The following GLI3 variants were observed in gnomAD, a reference collection of about 807,000 sequenced individuals.
GLI3 encodes transcription activator GLI3.
Under a neutral mutation model 100.8 loss-of-function variants are expected in GLI3, and 20 were observed. That is an observed-to-expected ratio of 0.20 (90% CI 0.14 to 0.29). GLI3 has a LOEUF of 0.29. Ranked by LOEUF, GLI3 falls within the 10% of genes least tolerant of loss-of-function variation. The probability of loss-of-function intolerance (pLI) is 1.00; values close to 1 mark genes in which losing one functional copy is unlikely to be tolerated. For missense variants in GLI3, 2,040 were observed against 2,128.5 expected, an observed-to-expected ratio of 0.96 and a Z score of 0.82; for synonymous variants, 938 against 860.5, an observed-to-expected ratio of 1.09 and a Z score of -1.58.
At position 42,237,061 on chromosome 7, in the gene GLI3, G is replaced by GGCGGCT. The variant is rs1284268198; in HGVS notation, c.-139_-134dup. The GGCGGCT allele has an allele frequency of 6.7e-6, 1 of 148,310 alleles. No individual in the cohort carries two copies. The highest frequency in any genetic ancestry group is 1.5e-5 in the Non-Finnish European group (1 of 66,724). The allele number at this position is 148,310 out of a possible 1,614,324, so 9.2% of individuals were successfully genotyped here. The stretch of plus-strand genomic sequence containing the variant: ...CGGCTCCCCGCTCCGCGCGGCCGCG[G>GGCGGCT]GCGGCTACGGCTACCGCGAGCGGCC... On this transcript the variant is annotated 5_prime_UTR_variant, in exon 1 of 15. Coordinates refer to ENST00000395925, the MANE Select transcript of GLI3 (RefSeq NM_000168.6).
At chr7:42,211,857 A>G (rs1157903929) in intron 2 of GLI3, among the ~76,000 whole-genome samples, 9 of 152,244 alleles carry the variant, frequency 5.9e-5, no homozygotes, top group Non-Finnish European at 1.5e-5. Context: ...TGTGAAAGGA[A>G]TTAGCCATAA....
chr7:42,013,298 T>C (rs1788669285), intron 10 of GLI3, among the ~76,000 whole-genome samples: 1 of 152,124 alleles, frequency 6.6e-6, no homozygotes, highest in Non-Finnish European at 1.5e-5. Flanking sequence ...CCTGCCCTGA[T>C]TGGAAGAAAA....
chr7:42,175,983 C>T (rs9886332), intron 2 of GLI3, among the ~76,000 whole-genome samples: 36 of 152,068 alleles, frequency 2.4e-4, no homozygotes, highest in Non-Finnish European at 4.4e-4. Flanking sequence ...CCACAGCCCA[C>T]GCACATAACT....
chr7:42,018,903 C>A (rs149408527), intron 10 of GLI3, among the ~76,000 whole-genome samples: 1 of 152,156 alleles, frequency 6.6e-6, no homozygotes, highest in Admixed American at 6.5e-5. Flanking sequence ...ACTTTCTCTG[C>A]GGTTCTGCCC....
chr7:42,072,665 G>A (rs548045091), intron 4 of GLI3, among the ~76,000 whole-genome samples: 1 of 152,238 alleles, frequency 6.6e-6, no homozygotes, highest in South Asian at 2.1e-4. Context: ...TGTTCCCATA[G>A]AATACAGTAG....
At chr7:42,093,396 A>G (rs1785270141) in intron 3 of GLI3, among the ~76,000 whole-genome samples, 1 of 151,418 alleles carries the variant, frequency 6.6e-6, no homozygotes, top group Admixed American at 6.6e-5. Context: ...AAAAAAAAAA[A>G]AGGTTCCCTT....
chr7:42,074,053 A>G (rs574358721), intron 4 of GLI3, among the ~76,000 whole-genome samples: 8 of 152,342 alleles, frequency 5.3e-5, no homozygotes, highest in African/African-American at 1.4e-4. Context: ...GTGCAAGAGC[A>G]ACCCAGGGTC....
chr7:42,039,644 T>G (rs1784089248), intron 7 of GLI3, among the ~76,000 whole-genome samples: 3 of 152,236 alleles, frequency 2.0e-5, no homozygotes. Flanking sequence ...CTGCCATGAC[T>G]GGTCTTTTTA....
At chr7:42,216,387 T>C (rs1237676751) in intron 2 of GLI3, among the ~76,000 whole-genome samples, 1 of 152,196 alleles carries the variant, frequency 6.6e-6, no homozygotes, top group African/African-American at 2.4e-5. Flanking sequence ...TTTAGAGCAT[T>C]CAAAGTATTC....
intron 10 of GLI3, among the ~76,000 whole-genome samples, chr7:42,014,071 A>G (rs1788691356): frequency 6.6e-6 from 1 of 152,230 alleles, no homozygotes; most frequent in South Asian, 2.1e-4. Flanking sequence ...CTTCCACTGC[A>G]GAGTCTCACT....
chr7:41,981,448 G>A (rs1270305533), intron 10 of GLI3, among the ~76,000 whole-genome samples: 3 of 152,218 alleles, frequency 2.0e-5, no homozygotes, highest in African/African-American at 7.2e-5. Flanking sequence ...AGGGAAACCT[G>A]GTGCTACTCA....
rs1452471645 is a variant in GLI3 at position 42,170,287 on chromosome 7, T to TATATATATATATATATATATACACACAC, written c.125-21820_125-21819insGTGTGTGTATATATATATATATATATAT. Among the ~76,000 whole-genome samples, 19 of 123,994 alleles carry TATATATATATATATATATATACACACAC rather than the reference T, an allele frequency of 1.5e-4. No homozygotes were observed. In the South Asian group the frequency reaches 3.6e-3, roughly 24 times the overall value. The allele number at this position is 123,994 out of a possible 152,430, so 81.3% of individuals were successfully genotyped here. A position where few individuals can be genotyped will look rare whatever the true frequency, so the allele number is the denominator to read the frequency against. ...AAAATTATATATATATATATATATA[T>TATATATATATATATATATATACACACAC]ACACACACATATGTATATATTTAAA... is the stretch of plus-strand genomic sequence containing the variant. On this transcript the variant is annotated intron_variant, in intron 2 of 14. Transcript: ENST00000395925.
At position 42,026,465 on chromosome 7, in the gene GLI3, C is replaced by G. The variant is rs1789117106; in HGVS notation, c.1029-53G>C. ...TCATCACTTAAACGCTGAGCTCAGACAAGTACACAAGATCTGCAGCTTTCT... is the reference window on the plus strand; with the variant it reads ...TCATCACTTAAACGCTGAGCTCAGAGAAGTACACAAGATCTGCAGCTTTCT... On this transcript the variant is annotated intron_variant, in intron 7 of 14. Transcript: ENST00000395925. The G allele has an allele frequency of 3.1e-6, 4 of 1,283,974 alleles. 1 individual carries two copies. In the South Asian group the frequency reaches 4.9e-5, roughly 16 times the overall value. The allele number at this position is 1,283,974 out of a possible 1,614,324, so 79.5% of individuals were successfully genotyped here. A position where few individuals can be genotyped will look rare whatever the true frequency, so the allele number is the denominator to read the frequency against.
chr7:42,047,716 G>A (rs1186960879), intron 5 of GLI3, among the ~76,000 whole-genome samples: 2 of 152,306 alleles, frequency 1.3e-5, no homozygotes, highest in East Asian at 1.9e-4. Context: ...ACAGGAATTC[G>A]ATCCTTAAGA....
At chr7:42,221,066 G>A (rs1348141586) in intron 2 of GLI3, among the ~76,000 whole-genome samples, 5 of 152,192 alleles carry the variant, frequency 3.3e-5, no homozygotes, top group Non-Finnish European at 4.4e-5. Context: ...GAGGAAACAG[G>A]TGATTATTTA....
intron 4 of GLI3, among the ~76,000 whole-genome samples, chr7:42,073,917 C>T (rs1237733960): frequency 2.0e-5 from 3 of 152,286 alleles, no homozygotes; most frequent in East Asian, 3.9e-4. Flanking sequence ...ATTTTACTTT[C>T]CCAGGTAACT....
chr7:42,227,273 TA>T (rs1456411942), intron 1 of GLI3, among the ~76,000 whole-genome samples: 1 of 151,000 alleles, frequency 6.6e-6, no homozygotes, highest in East Asian at 2.0e-4. Context: ...TTTTCATGCT[TA>T]AGGGGAAAAA....
At chr7:41,973,752 C>T (rs1286323755) in intron 12 of GLI3, among the ~76,000 whole-genome samples, 1 of 152,030 alleles carries the variant, frequency 6.6e-6, no homozygotes, top group Non-Finnish European at 1.5e-5. Flanking sequence ...ACTAAAAGCC[C>T]AAGAACAGAC....
intron 8 of GLI3, 59 bp downstream of exon 8, chr7:42,026,140 G>A: frequency 3.5e-6 from 4 of 1,150,168 alleles, no homozygotes; most frequent in Non-Finnish European, 5.2e-6. Flanking sequence ...CTGACGTGGT[G>A]GCCTGCCCCC....
Sources: allele counts gnomAD v4.1 joint callset (sites outside exome capture counted in the v4.1 genomes callset), GRCh38; gene constraint gnomAD v4.1.1; transcripts MANE v1.5; gene names NCBI Gene and HGNC (gene_info 2026-07-23, HGNC 2026-07-21).